ATP1A4: variants seen among roughly 807,000 people sequenced by gnomAD.
ATP1A4 encodes ATPase Na+/K+ transporting subunit alpha 4.
In ATP1A4, 90 loss-of-function variants were observed where a neutral mutation model predicts 114.3. The ratio of observed to expected loss-of-function variants is 0.79; its 90% CI spans 0.66 to 0.94. The LOEUF (loss-of-function observed/expected upper bound fraction) is 0.94. ATP1A4 is among the 40% of genes least tolerant of loss of function. The pLI, the probability that ATP1A4 is intolerant of heterozygous loss-of-function variation, is 0.00. For synonymous variants in ATP1A4, 511 were observed against 494.1 expected (o/e 1.03, Z -0.45); for missense variants, 1,222 against 1,313.6 (o/e 0.93, Z 1.08).
chr1:160,172,447 G>A (rs556562052), intron 12 of ATP1A4, among the ~76,000 whole-genome samples: 1 of 152,286 alleles, frequency 6.6e-6, no homozygotes, highest in East Asian at 1.9e-4. Flanking sequence ...CCAAAAATCG[G>A]TCAGAGCAAG....
chr1:160,176,271 A>T (rs1653460608), intron 16 of ATP1A4, 25 bp downstream of exon 16: 4 of 1,612,948 alleles, frequency 2.5e-6, no homozygotes, highest in Non-Finnish European at 3.4e-6. Flanking sequence ...GGTGAGCAAG[A>T]GATTCCCAGA....
chr1:160,171,607 T>C lies in ATP1A4; in HGVS notation c.1704T>C (p.Pro568=). 1.2e-6 allele frequency: 2 copies of C among 1,614,098 alleles called. No individual in the cohort carries two copies. Among genetic ancestry groups the C allele is most frequent in the Non-Finnish European group, 1.7e-6 (2 of 1,179,980 alleles). The part of the protein sequence containing the change: ...RVLGFCFLNL[P]SSFSKGFPFN... ...CAGGCTTCTGCTTCTTGAATCTGCCTAGCAGCTTCTCCAAGGGATTCCCAT... is the reference window on the plus strand; with the variant it reads ...CAGGCTTCTGCTTCTTGAATCTGCCCAGCAGCTTCTCCAAGGGATTCCCAT... Residue 568 remains proline (P), a synonymous_variant, in exon 12 of 22, where the codon CCT becomes CCC. Transcript: ENST00000368081.
intron 12 of ATP1A4, among the ~76,000 whole-genome samples, chr1:160,173,281 A>G (rs1653331391): frequency 6.6e-6 from 1 of 152,240 alleles, no homozygotes; most frequent in African/African-American, 2.4e-5. Context: ...TTTGCACTTA[A>G]GGAAGCAGAA....
At chr1:160,173,781 A>G in intron 13 of ATP1A4, 64 bp downstream of exon 13, 4 of 1,564,592 alleles carry the variant, frequency 2.6e-6, no homozygotes, top group South Asian at 1.2e-5. Flanking sequence ...CCCCACCCAG[A>G]TGCCACTTTA....
rs1447148249 is a variant in ATP1A4, at chr1:160,167,162, A to T, written c.1356+85A>T. The stretch of plus-strand genomic sequence containing the variant: ...AAAAAATCCTCTCCTGGAGCTCAGT[A>T]ATTTCCCCCCAGGTACCCGCCCTCC... On this transcript the variant is annotated intron_variant, in intron 9 of 21. Coordinates refer to ENST00000368081, the MANE Select transcript of ATP1A4 (RefSeq NM_144699.4). The T allele has an allele frequency of 2.6e-6, 4 of 1,566,546 alleles. No homozygotes were observed. The African/African-American group carries it at 5.4e-5, about 21-fold the overall frequency.
intron 20 of ATP1A4, among the ~76,000 whole-genome samples, chr1:160,185,198 C>T (rs1397097295): frequency 6.6e-6 from 1 of 151,772 alleles, no homozygotes; most frequent in African/African-American, 2.4e-5. Flanking sequence ...CTGCAACCTC[C>T]GCCTCCCGGG....
chr1:160,180,771 G>A (rs549248098), intron 18 of ATP1A4, among the ~76,000 whole-genome samples: 4 of 129,192 alleles, frequency 3.1e-5, no homozygotes, highest in South Asian at 5.1e-4. Context: ...CTGGAGTGCA[G>A]TGGCATGATC....
intron 12 of ATP1A4, 105 bp downstream of exon 12, chr1:160,171,862 C>G: frequency 8.6e-7 from 1 of 1,159,176 alleles, no homozygotes; most frequent in Non-Finnish European, 1.2e-6. Context: ...TTTAATTGAG[C>G]GGATTTCTGT....
In ATP1A4 at chr1:160,151,946, C is replaced by A. The variant is rs745780620; in HGVS notation, c.-95C>A. ...TCTCCCCACCACTCTCTTCTCGTGG[C>A]CCCCTTGCCCGCGCGCCCTCTTCCC... On this transcript the variant is annotated 5_prime_UTR_variant, in exon 1 of 22. Coordinates refer to ENST00000368081, the MANE Select transcript of ATP1A4 (RefSeq NM_144699.4). 5 of 1,423,952 alleles carry A rather than the reference C, an allele frequency of 3.5e-6. No homozygotes were observed. Among genetic ancestry groups the A allele is most frequent in the Non-Finnish European group, 4.7e-6 (5 of 1,061,868 alleles). 88.2% of individuals were successfully genotyped at this position (1,423,952 alleles called of 1,614,324 possible). A position where few individuals can be genotyped will look rare whatever the true frequency, so the allele number is the denominator to read the frequency against.
intron 7 of ATP1A4, 40 bp from the exon 8 acceptor site, chr1:160,166,488 C>G: frequency 6.2e-7 from 1 of 1,606,106 alleles, no homozygotes; most frequent in Non-Finnish European, 8.5e-7. Flanking sequence ...GTGAGTATTC[C>G]ATCTCCCATG....
intron 10 of ATP1A4, 169 bp from the exon 11 acceptor site, chr1:160,171,079 AAGG>A (rs1653236141): frequency 1.3e-5 from 7 of 553,564 alleles, no homozygotes; most frequent in South Asian, 9.7e-5. Flanking sequence ...TTTCTGGAAA[AAGG>A]AGGAGGGGCT....
chr1:160,174,020 G>T (rs1315021396), intron 13 of ATP1A4, 91 bp from the exon 14 acceptor site: 1 of 1,452,600 alleles, frequency 6.9e-7, no homozygotes, highest in East Asian at 2.3e-5. Context: ...GTTGAAAGAA[G>T]AAGCAATGAA....
At chr1:160,180,476 A>G (rs1479806312) in intron 18 of ATP1A4, among the ~76,000 whole-genome samples, 1 of 152,074 alleles carries the variant, frequency 6.6e-6, no homozygotes, top group Non-Finnish European at 1.5e-5. Flanking sequence ...TCTCTCTCAT[A>G]ACCTGTCTAT....
chr1:160,156,123 AAG>A lies in ATP1A4; in HGVS notation c.492_493del (p.Lys164AsnfsTer6). The A allele has an allele frequency of 6.2e-7, 1 of 1,613,778 alleles. No homozygotes were observed. The highest frequency in any genetic ancestry group is 8.5e-7 in the Non-Finnish European group (1 of 1,179,668). The part of the protein sequence containing the change: ...FSYYQEAKSS[K>X]IMESFKNMVP... ...CTATTATCAGGAGGCCAAGAGCTCC[AAG>A]ATCATGGAGTCTTTTAAGAACATGG... On this transcript the variant is annotated frameshift_variant, in exon 4 of 22. Transcript: ENST00000368081. LOFTEE classifies it high-confidence loss of function.
At chr1:160,173,107 A>G (rs1653325884) in intron 12 of ATP1A4, among the ~76,000 whole-genome samples, 1 of 152,206 alleles carries the variant, frequency 6.6e-6, no homozygotes, top group African/African-American at 2.4e-5. Flanking sequence ...GGTACCAGGT[A>G]TCCAAAACCA....
intron 6 of ATP1A4, among the ~76,000 whole-genome samples, chr1:160,162,488 C>T (rs58954825): frequency 0.02 from 3,032 of 152,250 alleles, 100 homozygotes; most frequent in African/African-American, 0.07. Flanking sequence ...TGGCTCCAGC[C>T]AGCAAAGCAG....
In ATP1A4 at chr1:160,151,982, C is replaced by G; in HGVS notation, c.-59C>G. On this transcript the variant is annotated 5_prime_UTR_variant, in exon 1 of 22. Coordinates refer to ENST00000368081, the MANE Select transcript of ATP1A4 (RefSeq NM_144699.4). Reference sequence around the variant, plus strand: ...GCGCGCCCTCTTCCCTTCCCCTTGCCTCACTCTCTCAGCTTTCTTCCCACA... The same window carrying G: ...GCGCGCCCTCTTCCCTTCCCCTTGCGTCACTCTCTCAGCTTTCTTCCCACA... 6.4e-7 allele frequency: 1 copy of G among 1,568,548 alleles called. No homozygotes were observed. Among genetic ancestry groups the G allele is most frequent in the South Asian group, 1.2e-5 (1 of 83,992 alleles).
chr1:160,162,592 G>A (rs1462362116), intron 6 of ATP1A4, among the ~76,000 whole-genome samples: 3 of 152,194 alleles, frequency 2.0e-5, no homozygotes, highest in Non-Finnish European at 4.4e-5. Flanking sequence ...TGTCTTGTGC[G>A]TGGCAGGATG....
At chr1:160,152,326 G>T in intron 1 of ATP1A4, 139 bp downstream of exon 1, 2 of 979,202 alleles carry the variant, frequency 2.0e-6, no homozygotes, top group Non-Finnish European at 1.4e-6. Context: ...GGAAGGAGAG[G>T]GTTAAAAAAA....
Sources: allele counts gnomAD v4.1 joint callset (sites outside exome capture counted in the v4.1 genomes callset), GRCh38; gene constraint gnomAD v4.1.1; transcripts MANE v1.5; gene names NCBI Gene and HGNC (gene_info 2026-07-23, HGNC 2026-07-21).